Variants in TEX36 observed in about 807,000 individuals in gnomAD.
TEX36 encodes the protein testis expressed 36.
In TEX36, 12 loss-of-function variants were observed where a neutral mutation model predicts 13.6. That is an observed-to-expected ratio of 0.88 (90% CI 0.56 to 1.43). The LOEUF (loss-of-function observed/expected upper bound fraction) is 1.43, where lower values mean the gene tolerates loss of function less well. Among genes scored for constraint, TEX36 ranks in the 40% most tolerant of loss-of-function variants. TEX36 has a pLI of 0.00. For missense variants in TEX36, 224 were observed against 228.3 expected (o/e 0.98, Z 0.12); for synonymous variants, 93 against 83.0 (o/e 1.12, Z -0.65).
At chr10:125,640,483 T>C (rs1443037481) in intron 3 of TEX36, among the ~76,000 whole-genome samples, 2 of 152,186 alleles carry the variant, frequency 1.3e-5, no homozygotes, top group Non-Finnish European at 2.9e-5. Flanking sequence ...GGTTGATTTG[T>C]TGTTTAATAT....
intron 3 of TEX36, among the ~76,000 whole-genome samples, chr10:125,635,261 C>A (rs562636266): frequency 6.6e-6 from 1 of 152,326 alleles, no homozygotes; most frequent in East Asian, 1.9e-4. Context: ...CCATTGGAAT[C>A]TTCTAGGTAG....
rs547370449 is a variant in TEX36, at chr10:125,667,140, G to C, written c.52-5163C>G. ...CCTCCTCATTCTGGCCTCCAGACAG[G>C]AATGTGATCCCAGGGACAGCGGGGG... On this transcript the variant is annotated intron_variant, in intron 1 of 3. Transcript: ENST00000368821. The C allele has an allele frequency of 2.8e-5, 20 of 716,990 alleles. No individual in the cohort carries two copies. The East Asian group carries it at 3.7e-4, about 13-fold the overall frequency. The allele number at this position is 716,990 out of a possible 1,614,324, so 44.4% of individuals were successfully genotyped here.
At chr10:125,606,196 C>A (rs532870912) in intron 3 of TEX36, among the ~76,000 whole-genome samples, 3 of 152,106 alleles carry the variant, frequency 2.0e-5, no homozygotes, top group Non-Finnish European at 2.9e-5. Context: ...AATTAAGCAC[C>A]CTTGTAGGAT....
intron 3 of TEX36, among the ~76,000 whole-genome samples, chr10:125,589,904 C>G (rs2133531364): frequency 6.6e-6 from 1 of 152,230 alleles, no homozygotes; most frequent in Middle Eastern, 3.4e-3. Flanking sequence ...TTTGTAAAGT[C>G]TCGGTATCAC....
intron 1 of TEX36, among the ~76,000 whole-genome samples, chr10:125,669,760 C>A (rs1015556518): frequency 1.3e-5 from 2 of 152,146 alleles, no homozygotes; most frequent in Admixed American, 6.5e-5. Context: ...CCACACCCCC[C>A]GTAACAGGCC....
intron 3 of TEX36, among the ~76,000 whole-genome samples, chr10:125,634,851 T>G (rs1846604057): frequency 6.6e-6 from 1 of 152,080 alleles, no homozygotes; most frequent in Admixed American, 6.6e-5. Context: ...GGTGAAACGA[T>G]GGATAGTGAG....
At chr10:125,651,653 C>T (rs147917751), downstream of TEX36, among the ~76,000 whole-genome samples, 1,492 of 151,946 alleles carry the variant, frequency 9.8e-3, 34 homozygotes, top group African/African-American at 0.035. Flanking sequence ...CCAGGGCAAT[C>T]GGGCAGGAGA....
intron 3 of TEX36, among the ~76,000 whole-genome samples, chr10:125,611,349 A>G (rs1437103225): frequency 6.6e-6 from 1 of 152,188 alleles, no homozygotes; most frequent in Non-Finnish European, 1.5e-5. Context: ...GTTTCCTGCC[A>G]CTTTCCTCAA....
In TEX36 at chr10:125,683,077, A is replaced by G; in HGVS notation, c.-88T>C. On this transcript the variant is annotated 5_prime_UTR_variant, in exon 1 of 4. It removes an upstream start codon present in the reference 5' UTR. Transcript: ENST00000368821. ...TCTGGGAAGCTGCTTCCTAAACTTC[A>G]TAAGCTCTACACGTCTGGGAAGCTC... 7.1e-7 allele frequency: 1 copy of G among 1,416,670 alleles called. No individual in the cohort carries two copies. Among genetic ancestry groups the G allele is most frequent in the Non-Finnish European group, 9.8e-7 (1 of 1,024,318 alleles). The allele number at this position is 1,416,670 out of a possible 1,614,324, so 87.8% of individuals were successfully genotyped here. A position where few individuals can be genotyped will look rare whatever the true frequency, so the allele number is the denominator to read the frequency against.
At chr10:125,666,704 T>C (rs1038890133) in intron 1 of TEX36, among the ~76,000 whole-genome samples, 1 of 152,052 alleles carries the variant, frequency 6.6e-6, no homozygotes. Context: ...TTATTGGCAG[T>C]GTGCTGGAAA....
At chr10:125,596,753 A>T (rs1471372876) in intron 3 of TEX36, among the ~76,000 whole-genome samples, 2 of 152,228 alleles carry the variant, frequency 1.3e-5, no homozygotes, top group Non-Finnish European at 2.9e-5. Context: ...ATGAGAAATC[A>T]GCAGATAGGC....
intron 3 of TEX36, among the ~76,000 whole-genome samples, chr10:125,632,128 G>A (rs935217002): frequency 1.3e-5 from 2 of 152,076 alleles, no homozygotes; most frequent in African/African-American, 4.8e-5. Context: ...GCATCTATGA[G>A]GACTCCCAGG....
At chr10:125,681,038 G>A (rs1565193593) in intron 1 of TEX36, among the ~76,000 whole-genome samples, 1 of 152,226 alleles carries the variant, frequency 6.6e-6, no homozygotes, top group Non-Finnish European at 1.5e-5. Flanking sequence ...GGAAGCAGAG[G>A]TCTAGGGAGC....
At chr10:125,640,233 G>A (rs982864873) in intron 3 of TEX36, 1 of 984,202 alleles carries the variant, frequency 1.0e-6, no homozygotes, top group Admixed American at 6.2e-5. Flanking sequence ...CAGGAGGAGA[G>A]GAAGAAGGGA....
chr10:125,656,852 C>T (rs932073087), intron 3 of TEX36, among the ~76,000 whole-genome samples: 3 of 152,022 alleles, frequency 2.0e-5, no homozygotes, highest in Admixed American at 6.6e-5. Context: ...ACTCCCAACA[C>T]CCCCGACCTT....
At chr10:125,596,684 T>A (rs1211856852) in intron 3 of TEX36, among the ~76,000 whole-genome samples, 1 of 152,210 alleles carries the variant, frequency 6.6e-6, no homozygotes, top group Non-Finnish European at 1.5e-5. Context: ...ATTTACCACA[T>A]TAACAGATTA....
At chr10:125,656,343 G>A (rs1846944474) in intron 3 of TEX36, 147 bp from the exon 4 acceptor site, 2 of 706,746 alleles carry the variant, frequency 2.8e-6, no homozygotes, top group Admixed American at 4.4e-5. Context: ...TGCAGCCTCT[G>A]CCTCCCGGGT....
chr10:125,682,381 T>C (rs576546283), intron 1 of TEX36, among the ~76,000 whole-genome samples: 16 of 152,148 alleles, frequency 1.1e-4, no homozygotes, highest in Non-Finnish European at 2.2e-4. Flanking sequence ...GATGAGTAAA[T>C]GATGCATTCC....
At chr10:125,582,594 C>G (rs1845896284) in intron 3 of TEX36, among the ~76,000 whole-genome samples, 1 of 152,174 alleles carries the variant, frequency 6.6e-6, no homozygotes, top group Admixed American at 6.5e-5. Context: ...GCTTACTTAG[C>G]TGCTTAAAAG....
Sources: gnomAD v4.1 joint callset for allele counts (sites outside exome capture counted in the v4.1 genomes callset) on GRCh38, gnomAD v4.1.1 for gene constraint, MANE v1.5 for transcripts, NCBI Gene and HGNC (gene_info 2026-07-23, HGNC 2026-07-21) for gene names.